The following DOCK4 variants were observed in gnomAD, a reference collection of about 807,000 sequenced individuals.
DOCK4 encodes the protein dedicator of cytokinesis 4.
In DOCK4, 97 loss-of-function variants were observed where a neutral mutation model predicts 268.1. The ratio of observed to expected loss-of-function variants is 0.36; its 90% CI spans 0.31 to 0.43. The LOEUF (loss-of-function observed/expected upper bound fraction) is 0.43, where lower values mean the gene tolerates loss of function less well. Ranked by LOEUF, DOCK4 falls within the 20% of genes least tolerant of loss-of-function variation. DOCK4 has a pLI of 1.00. For missense variants in DOCK4, 2,145 were observed against 2,455.7 expected (o/e 0.87, Z 2.67); for synonymous variants, 954 against 887.2 (o/e 1.08, Z -1.34).
intron 14 of DOCK4, among the ~76,000 whole-genome samples, chr7:111,901,242 G>A (rs1409578164): frequency 4.7e-5 from 7 of 147,416 alleles, no homozygotes; most frequent in Non-Finnish European, 7.4e-5. Flanking sequence ...GCTGGGGTAC[G>A]AGAATTGCTT....
intron 30 of DOCK4, among the ~76,000 whole-genome samples, chr7:111,790,909 T>A (rs1016110676): frequency 2.0e-5 from 3 of 150,868 alleles, no homozygotes; most frequent in African/African-American, 7.3e-5. Flanking sequence ...ATACAAACAA[T>A]TAGCCGGGCG....
rs1587066603 is a variant in DOCK4 at position 112,206,366 on chromosome 7, C to G, written c.-228G>C. The stretch of plus-strand genomic sequence containing the variant: ...TGCTCACAGTCCTCCGACGCGCTCC[C>G]GGGTACCCGGCGGCGCAGTCATTGT... On this transcript the variant is annotated 5_prime_UTR_variant, in exon 1 of 53. Transcript: ENST00000428084. The G allele has an allele frequency of 1.4e-5, 8 of 586,130 alleles. No individual in the cohort carries two copies. The highest frequency in any genetic ancestry group is 1.2e-4 in the East Asian group (4 of 33,632). 36.3% of individuals were successfully genotyped at this position (586,130 alleles called of 1,614,324 possible). A position where few individuals can be genotyped will look rare whatever the true frequency, so the allele number is the denominator to read the frequency against.
chr7:111,775,417 T>G (rs1400128814), intron 36 of DOCK4, among the ~76,000 whole-genome samples: 1 of 152,106 alleles, frequency 6.6e-6, no homozygotes, highest in Non-Finnish European at 1.5e-5. Context: ...CCACCCTATC[T>G]CTCCCACTGA....
chr7:112,113,043 G>T (rs1423607420), intron 1 of DOCK4, among the ~76,000 whole-genome samples: 3 of 152,112 alleles, frequency 2.0e-5, no homozygotes, highest in Non-Finnish European at 2.9e-5. Flanking sequence ...ATAGGAAAGA[G>T]AAATTATACT....
intron 43 of DOCK4, 48 bp downstream of exon 43, chr7:111,747,219 A>T (rs1260552391): frequency 1.9e-6 from 3 of 1,565,512 alleles, no homozygotes; most frequent in Non-Finnish European, 2.6e-6. Context: ...AAACCCTAAG[A>T]AGTCACAATT....
At chr7:112,073,698 A>G (rs1391671842) in intron 1 of DOCK4, among the ~76,000 whole-genome samples, 2 of 151,686 alleles carry the variant, frequency 1.3e-5, no homozygotes, top group Non-Finnish European at 2.9e-5. Context: ...ATGGGAGCTA[A>G]AAATAATTTT....
intron 4 of DOCK4, among the ~76,000 whole-genome samples, chr7:111,995,051 GA>G (rs34028685): frequency 0.43 from 64,312 of 148,812 alleles, 14,053 homozygotes; most frequent in African/African-American, 0.46. Context: ...TTTTTTTTGA[GA>G]ACAGAGTCTT....
intron 42 of DOCK4, 81 bp downstream of exon 42, chr7:111,755,434 G>A: frequency 1.5e-6 from 2 of 1,360,774 alleles, no homozygotes; most frequent in East Asian, 2.3e-5. Context: ...CTGGGTCGAA[G>A]GAGAAGTAAT....
intron 5 of DOCK4, among the ~76,000 whole-genome samples, chr7:111,992,752 G>A (rs1799635509): frequency 6.6e-6 from 1 of 152,128 alleles, no homozygotes; most frequent in Non-Finnish European, 1.5e-5. Flanking sequence ...TTCAGCTAAT[G>A]GACAACACTC....
chr7:112,118,576 C>T (rs571847554), intron 1 of DOCK4, among the ~76,000 whole-genome samples: 10 of 152,240 alleles, frequency 6.6e-5, no homozygotes, highest in African/African-American at 1.9e-4. Flanking sequence ...TCCTTCTGTA[C>T]CTCACCGTTG....
chr7:112,061,062 T>C (rs1806341142), intron 1 of DOCK4, among the ~76,000 whole-genome samples: 1 of 152,156 alleles, frequency 6.6e-6, no homozygotes. Flanking sequence ...TTTATATTCC[T>C]TTTTTTCCCA....
At chr7:111,830,671 T>A (rs1802750157) in intron 26 of DOCK4, among the ~76,000 whole-genome samples, 1 of 152,128 alleles carries the variant, frequency 6.6e-6, no homozygotes, top group South Asian at 2.1e-4. Context: ...CCAGCTGTAA[T>A]CATGAATATA....
intron 1 of DOCK4, among the ~76,000 whole-genome samples, chr7:112,022,364 A>T (rs1802396061): frequency 6.6e-6 from 1 of 152,242 alleles, no homozygotes; most frequent in Non-Finnish European, 1.5e-5. Flanking sequence ...GCAATTTGCC[A>T]AAGGTCACAA....
At chr7:112,119,047 C>T (rs1400609203) in intron 1 of DOCK4, among the ~76,000 whole-genome samples, 2 of 152,162 alleles carry the variant, frequency 1.3e-5, no homozygotes, top group African/African-American at 4.8e-5. Context: ...GTCACTTTGG[C>T]TCGCTGTTTC....
chr7:112,081,539 G>GGA (rs1808584831), intron 1 of DOCK4, among the ~76,000 whole-genome samples: 1 of 151,988 alleles, frequency 6.6e-6, no homozygotes, highest in African/African-American at 2.4e-5. Flanking sequence ...CTCTCAAGTG[G>GGA]GATTCTTCTA....
intron 52 of DOCK4, 106 bp downstream of exon 52, chr7:111,732,120 G>T (rs966374180): frequency 9.7e-6 from 11 of 1,137,906 alleles, no homozygotes; most frequent in Admixed American, 2.3e-5. Context: ...TAAGTTCTTT[G>T]CCTGGTCCCT....
chr7:111,845,640 A>G (rs1804038451), intron 24 of DOCK4, among the ~76,000 whole-genome samples: 1 of 152,200 alleles, frequency 6.6e-6, no homozygotes, highest in Admixed American at 6.5e-5. Flanking sequence ...TACTTTTAGA[A>G]AGTACGAGTT....
intron 1 of DOCK4, among the ~76,000 whole-genome samples, chr7:112,184,220 G>A (rs952915252): frequency 6.6e-5 from 10 of 152,172 alleles, no homozygotes. Context: ...CGTAGACCTA[G>A]TACCTACCAC....
chr7:112,181,639 CAAA>C lies in DOCK4; in HGVS notation c.37+24460_37+24462del, dbSNP rs55807955. ...TGAGCAACAGAGTAAGACACTGTCTCAAAAAAAAAAAAAAAAAAAAGCTTGACA... is the reference window on the plus strand; with the variant it reads ...TGAGCAACAGAGTAAGACACTGTCTCAAAAAAAAAAAAAAAAAGCTTGACA... On this transcript the variant is annotated intron_variant, in intron 1 of 52. Coordinates refer to ENST00000428084, the MANE Select transcript of DOCK4 (RefSeq NM_001363540.2). 1.4e-4 allele frequency among the ~76,000 whole-genome samples: 9 copies of C among 65,378 alleles called. No individual in the cohort carries two copies. The South Asian group carries it at 2.2e-3, about 16-fold the overall frequency. The allele number at this position is 65,378 out of a possible 152,430, so 42.9% of individuals were successfully genotyped here.
Sources: gnomAD v4.1 joint callset for allele counts (sites outside exome capture counted in the v4.1 genomes callset) on GRCh38, gnomAD v4.1.1 for gene constraint, MANE v1.5 for transcripts, NCBI Gene and HGNC (gene_info 2026-07-23, HGNC 2026-07-21) for gene names.